Variants in FCSK observed in about 807,000 individuals in gnomAD.
FCSK encodes L-fucose kinase.
A neutral mutation model predicts 122.5 loss-of-function variants in FCSK; 123 were observed. That is an observed-to-expected ratio of 1.00 (90% CI 0.87 to 1.17). FCSK has a LOEUF of 1.17. FCSK is among the 50% of genes most tolerant of loss of function. The pLI is 0.00. For synonymous variants in FCSK, 620 were observed against 625.5 expected, an observed-to-expected ratio of 0.99 and a Z score of 0.13; for missense variants, 1,366 against 1,450.4, an observed-to-expected ratio of 0.94 and a Z score of 0.95.
At chr16:70,459,929 G>A (rs1441881980) in intron 1 of FCSK, among the ~76,000 whole-genome samples, 3 of 151,380 alleles carry the variant, frequency 2.0e-5, no homozygotes, top group Non-Finnish European at 4.4e-5. Flanking sequence ...AGCCTCCCAA[G>A]TAGCTGGAAT....
chr16:70,460,138 G>A (rs1307368801), intron 1 of FCSK, among the ~76,000 whole-genome samples: 4 of 119,518 alleles, frequency 3.3e-5, no homozygotes, highest in South Asian at 2.6e-4. Flanking sequence ...ACGGTGTCTC[G>A]CTCTGTCGCC....
At chr16:70,458,305 A>ACCC (rs2048155736) in intron 1 of FCSK, among the ~76,000 whole-genome samples, 1 of 150,194 alleles carries the variant, frequency 6.7e-6, no homozygotes, top group South Asian at 2.1e-4. Context: ...GATTACAGGC[A>ACCC]CCCGCCACCA....
chr16:70,472,074 G>A (rs1460616396), intron 13 of FCSK, among the ~76,000 whole-genome samples: 1 of 152,066 alleles, frequency 6.6e-6, no homozygotes, highest in Non-Finnish European at 1.5e-5. Context: ...CTCCCAAAGT[G>A]CTGGGATTAT....
chr16:70,474,963 T>C lies in FCSK; in HGVS notation c.2329T>C (p.Cys777Arg). The change falls in exon 18 of 24, where the codon TGC becomes CGC. Residue 777 changes from cysteine to arginine, a missense_variant. Transcript: ENST00000288078. Reference sequence around the variant, plus strand: ...GGATGAGATGACTGTGAAGATAGTGTGCCGGTGCCTGGCTGACCTGCGGGA... The same window carrying C: ...GGATGAGATGACTGTGAAGATAGTGCGCCGGTGCCTGGCTGACCTGCGGGA... Reference protein sequence around the residue: ...RQDEMTVKIVCRCLADLRDYC... With the variant: ...RQDEMTVKIVRRCLADLRDYC... The C allele has an allele frequency of 6.2e-7, 1 of 1,610,964 alleles. No homozygotes were observed. The highest frequency in any genetic ancestry group is 1.3e-5 in the African/African-American group (1 of 75,006).
intron 11 of FCSK, 141 bp downstream of exon 11, chr16:70,470,567 G>C: frequency 1.6e-6 from 1 of 625,416 alleles, no homozygotes. Flanking sequence ...AAGTGCTGGA[G>C]GCTCAGAGAG....
At chr16:70,465,668 G>T (rs2048394483) in intron 4 of FCSK, among the ~76,000 whole-genome samples, 1 of 152,104 alleles carries the variant, frequency 6.6e-6, no homozygotes, top group Non-Finnish European at 1.5e-5. Context: ...ATTATAGGCT[G>T]GGCGCAGTGG....
intron 1 of FCSK, among the ~76,000 whole-genome samples, chr16:70,457,757 GT>G (rs1331011044): frequency 7.2e-6 from 1 of 138,296 alleles, no homozygotes; most frequent in East Asian, 2.0e-4. Flanking sequence ...TATGTGTGTG[GT>G]TTTTTGTTTT....
At chr16:70,472,715 C>T in intron 14 of FCSK, 110 bp downstream of exon 14, 10 of 958,806 alleles carry the variant, frequency 1.0e-5, no homozygotes, top group Non-Finnish European at 1.5e-5. Context: ...GTGTTACCAT[C>T]CAGGGGCCTG....
In FCSK at chr16:70,474,828, G is replaced by A. The variant is rs757677757; in HGVS notation, c.2194G>A (p.Gly732Ser). Residue 732 changes from glycine (G) to serine (S), a missense_variant, in exon 18 of 24, where the codon GGC becomes AGC. Physicochemically the swap from Gly to Ser is moderately conservative, Grantham distance 56. Coordinates refer to ENST00000288078, the MANE Select transcript of FCSK (RefSeq NM_145059.3). The stretch of plus-strand genomic sequence containing the variant: ...CACGCCACCCCTTGCCTATGAGCTT[G>A]GCGGGGCTGTGCTGGGCCTGGCTGT... Reference protein sequence around the residue: ...SDTPPLAYELGGAVLGLAVRV... With the variant: ...SDTPPLAYELSGAVLGLAVRV... 1 of 1,592,046 alleles carries A rather than the reference G, an allele frequency of 6.3e-7. No homozygotes were observed. The highest frequency in any genetic ancestry group is 8.5e-7 in the Non-Finnish European group (1 of 1,170,150).
rs868116498 is a variant in FCSK at position 70,473,230 on chromosome 16, C to G, written c.1654C>G (p.Arg552Gly). The G allele has an allele frequency of 6.5e-7, 1 of 1,535,350 alleles. No homozygotes were observed. Among genetic ancestry groups the G allele is most frequent in the African/African-American group, 1.4e-5 (1 of 72,950 alleles). Residue 552 changes from arginine to glycine, a missense_variant, in exon 15 of 24, where the codon CGC (arginine) becomes GGC (glycine). By Grantham distance (125) the Arg-to-Gly change is moderately radical. Coordinates refer to ENST00000288078, the MANE Select transcript of FCSK (RefSeq NM_145059.3). The surrounding 1 kb of genome is among the most constrained non-coding windows in gnomAD (Gnocchi z 4.9). ...TLASRRDLFF[R>G]QALHKARHVL... ...GGCCTCTCGCCGGGACCTGTTCTTCCGCCAGGCCCTGCATAAGGCGCGGCA... is the reference window on the plus strand; with the variant it reads ...GGCCTCTCGCCGGGACCTGTTCTTCGGCCAGGCCCTGCATAAGGCGCGGCA...
intron 1 of FCSK, among the ~76,000 whole-genome samples, chr16:70,460,688 C>T (rs1259903765): frequency 1.3e-5 from 2 of 152,202 alleles, no homozygotes; most frequent in Non-Finnish European, 2.9e-5. Context: ...CAGATGTGAG[C>T]CACTGCGCCC....
chr16:70,468,908 G>T lies in FCSK; in HGVS notation c.723G>T (p.Val241=). The T allele has an allele frequency of 6.2e-7, 1 of 1,614,012 alleles. No individual in the cohort carries two copies. The highest frequency in any genetic ancestry group is 8.5e-7 in the Non-Finnish European group (1 of 1,180,022). ...ETAERLLATH[V]SPPLDACTYL... is the part of the protein sequence containing the mutation. ...CCGAGCGCCTCCTAGCCACCCACGT[G>T]AGCCCGCCCCTGGATGCCTGCACCT... is the stretch of plus-strand genomic sequence containing the variant. Residue 241 remains valine, a synonymous_variant, in exon 9 of 24, where the codon GTG becomes GTT. Coordinates refer to ENST00000288078, the MANE Select transcript of FCSK (RefSeq NM_145059.3).
At chr16:70,461,683 G>T (rs1311224929) in intron 1 of FCSK, among the ~76,000 whole-genome samples, 1 of 144,040 alleles carries the variant, frequency 6.9e-6, no homozygotes, top group Admixed American at 6.6e-5. Flanking sequence ...AGCTTGAGGA[G>T]CCTGGGGGGT....
chr16:70,466,805 A>T, intron 5 of FCSK, 77 bp from the exon 6 acceptor site: 1 of 1,331,104 alleles, frequency 7.5e-7, no homozygotes, highest in Non-Finnish European at 1.1e-6. Context: ...TCAACAGCAC[A>T]GTATCCTTGG....
chr16:70,475,431 G>A lies in FCSK; in HGVS notation c.2459G>A (p.Arg820His), dbSNP rs762507843. The A allele has an allele frequency of 7.5e-6, 12 of 1,608,200 alleles. No individual in the cohort carries two copies. Among genetic ancestry groups the A allele is most frequent in the Admixed American group, 1.7e-5 (1 of 59,994 alleles). Residue 820 changes from arginine (R) to histidine (H), a missense_variant, in exon 19 of 24, where the codon CGC (arginine) becomes CAC (histidine). Arg to His is a conservative substitution (Grantham distance 29, BLOSUM62 0). Transcript: ENST00000288078. Reference sequence around the variant, plus strand: ...CTCCAGCTGAGTGAGCAGCTGCTCCGCACCTTCGGGGGCGGCTTTGAGCTG... The same window carrying A: ...CTCCAGCTGAGTGAGCAGCTGCTCCACACCTTCGGGGGCGGCTTTGAGCTG... ...SELQLSEQLL[R>H]TFGGGFELHT...
intron 13 of FCSK, among the ~76,000 whole-genome samples, chr16:70,472,160 G>C (rs188374991): frequency 3.8e-4 from 58 of 152,312 alleles, no homozygotes; most frequent in African/African-American, 1.3e-3. Flanking sequence ...GATTCAGAGA[G>C]GGAGGTAACC....
In FCSK at chr16:70,479,635, G is replaced by A. The variant is rs368445106; in HGVS notation, c.3210G>A (p.Leu1070=). The A allele has an allele frequency of 6.2e-7, 1 of 1,614,168 alleles. No individual in the cohort carries two copies. The highest frequency in any genetic ancestry group is 2.2e-5 in the East Asian group (1 of 44,892). ...AAGTGGACACTCAGGGCCTGAGCCT[G>A]AAGCTGCTGGGGACCGAGGCCTCAA... ...LVEVDTQGLS[L]KLLGTEASTC... The change falls in exon 24 of 24, where the codon CTG becomes CTA. Residue 1070 remains leucine (L), a synonymous_variant. Coordinates refer to ENST00000288078, the MANE Select transcript of FCSK (RefSeq NM_145059.3).
chr16:70,471,142 G>T lies in FCSK; in HGVS notation c.1171-40G>T, dbSNP rs748033817. On this transcript the variant is annotated intron_variant, in intron 12 of 23. Coordinates refer to ENST00000288078, the MANE Select transcript of FCSK (RefSeq NM_145059.3). ...TCCCGCATGTGTTGGGGGGTGTTGG[G>T]TGCCTGCCCACCCAGGATGCCTGCC... 66 of 1,592,082 alleles carry T rather than the reference G, an allele frequency of 4.1e-5. No individual in the cohort carries two copies. The South Asian group carries it at 7.3e-4, about 17-fold the overall frequency.
intron 15 of FCSK, 56 bp from the exon 16 acceptor site, chr16:70,474,073 A>G: frequency 6.7e-7 from 1 of 1,503,030 alleles, no homozygotes; most frequent in Non-Finnish European, 9.0e-7. Context: ...CTCTCGTGAA[A>G]GAGGATTTTG....
Sources: allele counts gnomAD v4.1 joint callset (sites outside exome capture counted in the v4.1 genomes callset), GRCh38; gene constraint gnomAD v4.1.1; non-coding constraint Gnocchi (gnomAD v3.1); transcripts MANE v1.5; gene names NCBI Gene and HGNC (gene_info 2026-07-23, HGNC 2026-07-21).